ANAPC10: variants seen among roughly 807,000 people sequenced by gnomAD.
ANAPC10 encodes anaphase-promoting complex subunit 10.
A neutral mutation model predicts 22.0 loss-of-function variants in ANAPC10; 12 were observed. The observed-to-expected ratio is 0.55, with a 90% CI of 0.35 to 0.88. The LOEUF (loss-of-function observed/expected upper bound fraction) is 0.88. Among genes scored for constraint, ANAPC10 ranks in the 40% least tolerant of loss-of-function variants. ANAPC10 has a pLI of 0.01. For missense variants in ANAPC10, 188 were observed against 220.9 expected (o/e 0.85, Z 0.94); for synonymous variants, 65 against 69.5 (o/e 0.94, Z 0.32).
chr4:145,073,330 G>C (rs1033804093), intron 3 of ANAPC10, among the ~76,000 whole-genome samples: 3 of 152,188 alleles, frequency 2.0e-5, no homozygotes, highest in Non-Finnish European at 4.4e-5. Context: ...TGAAACTGTA[G>C]TGCTACCAGG....
chr4:145,029,523 G>C (rs950628219), intron 4 of ANAPC10, among the ~76,000 whole-genome samples: 1 of 152,154 alleles, frequency 6.6e-6, no homozygotes, highest in African/African-American at 2.4e-5. Flanking sequence ...CATGGGAATG[G>C]ATATTAAAGG....
At chr4:145,034,523 T>TTATATATATATATATA (rs370113295) in intron 4 of ANAPC10, among the ~76,000 whole-genome samples, 934 of 91,048 alleles carry the variant, frequency 0.01, 9 homozygotes, top group East Asian at 0.056. Context: ...AAACTCTCCT[T>TTATATATATATATATA]TATATATATA....
intron 4 of ANAPC10, among the ~76,000 whole-genome samples, chr4:145,004,308 G>T (rs149909888): frequency 6.6e-6 from 1 of 152,058 alleles, no homozygotes; most frequent in Non-Finnish European, 1.5e-5. Context: ...TTTGAGTTCC[G>T]ATCTTCCTAT....
intron 4 of ANAPC10, among the ~76,000 whole-genome samples, chr4:145,047,126 G>C (rs975143345): frequency 4.6e-5 from 7 of 151,964 alleles, no homozygotes; most frequent in African/African-American, 7.2e-5. Context: ...ATAAACAGAG[G>C]CTCAGAAAAA....
At chr4:145,028,754 G>T (rs1023598575) in intron 4 of ANAPC10, among the ~76,000 whole-genome samples, 4 of 152,170 alleles carry the variant, frequency 2.6e-5, no homozygotes, top group Admixed American at 6.5e-5. Context: ...TGAGCGGCAA[G>T]GAGTTTAATG....
intron 4 of ANAPC10, among the ~76,000 whole-genome samples, chr4:145,057,404 A>G (rs934265756): frequency 2.0e-5 from 3 of 152,168 alleles, no homozygotes; most frequent in Non-Finnish European, 4.4e-5. Flanking sequence ...TGAGAATATG[A>G]CAACATATTC....
intron 4 of ANAPC10, among the ~76,000 whole-genome samples, chr4:145,020,053 G>C (rs1735754445): frequency 6.6e-6 from 1 of 152,088 alleles, no homozygotes; most frequent in East Asian, 1.9e-4. Context: ...CCACAAGACA[G>C]AGAAAGAGGG....
At chr4:145,025,142 G>A (rs1198353539) in intron 4 of ANAPC10, among the ~76,000 whole-genome samples, 2 of 152,160 alleles carry the variant, frequency 1.3e-5, no homozygotes, top group African/African-American at 4.8e-5. Flanking sequence ...CTGTGGATTA[G>A]GCTTTGACTT....
intron 4 of ANAPC10, among the ~76,000 whole-genome samples, chr4:145,001,891 T>C (rs1012942644): frequency 5.9e-5 from 9 of 152,238 alleles, no homozygotes; most frequent in Non-Finnish European, 8.8e-5. Flanking sequence ...ATTTACAGTA[T>C]TAACTGCAGC....
chr4:145,030,260 A>G (rs942943454), intron 4 of ANAPC10, among the ~76,000 whole-genome samples: 1 of 152,218 alleles, frequency 6.6e-6, no homozygotes, highest in Non-Finnish European at 1.5e-5. Flanking sequence ...CAGCCTCTCA[A>G]TTTCCAGACT....
intron 4 of ANAPC10, among the ~76,000 whole-genome samples, chr4:145,037,195 G>A (rs1012785950): frequency 2.2e-4 from 33 of 152,014 alleles, no homozygotes; most frequent in Non-Finnish European, 4.6e-4. Context: ...GTAACATCAC[G>A]ATTTGCTGCT....
intron 4 of ANAPC10, among the ~76,000 whole-genome samples, chr4:145,039,253 C>T (rs1201168482): frequency 3.9e-5 from 6 of 152,278 alleles, no homozygotes; most frequent in Non-Finnish European, 5.9e-5. Context: ...AACTAGAATT[C>T]CACAGCTAAG....
At chr4:145,028,730 T>C (rs922810975) in intron 4 of ANAPC10, among the ~76,000 whole-genome samples, 2 of 152,186 alleles carry the variant, frequency 1.3e-5, no homozygotes, top group African/African-American at 4.8e-5. Flanking sequence ...GTTTGACACT[T>C]GATTCACCAC....
intron 4 of ANAPC10, among the ~76,000 whole-genome samples, chr4:145,057,858 AC>A (rs1341048139): frequency 1.3e-5 from 2 of 152,142 alleles, no homozygotes; most frequent in African/African-American, 2.4e-5. Context: ...TTCTGAATAT[AC>A]CCCAGGTAGC....
chr4:145,047,609 C>G (rs1370477360), intron 4 of ANAPC10, among the ~76,000 whole-genome samples: 1 of 152,126 alleles, frequency 6.6e-6, no homozygotes, highest in African/African-American at 2.4e-5. Flanking sequence ...AGGAACACTT[C>G]TCAATGCCTT....
At chr4:145,096,136 C>T (rs1400956599) in intron 1 of ANAPC10, 25 bp from the exon 2 acceptor site, 3 of 1,603,834 alleles carry the variant, frequency 1.9e-6, no homozygotes, top group South Asian at 2.3e-5. Context: ...AGAATGCACA[C>T]ATTGTATCAG....
rs1186853327 is a variant in ANAPC10, at chr4:145,026,987, A to ATTT, written c.328-31387_328-31385dup. The stretch of plus-strand genomic sequence containing the variant: ...TATATATATATATATATATATATAT[A>ATTT]TTTTTTTTTTTTTTTTTTTTTTTTT... On this transcript the variant is annotated intron_variant, in intron 4 of 4. Transcript: ENST00000507656. Among the ~76,000 whole-genome samples the ATTT allele has an allele frequency of 2.6e-4, 4 of 15,370 alleles. 1 individual carries two copies. The highest frequency in any genetic ancestry group is 6.7e-3 in the East Asian group (2 of 300). 10.1% of individuals were successfully genotyped at this position (15,370 alleles called of 152,430 possible).
At chr4:145,012,068 G>A (rs551092911) in intron 4 of ANAPC10, among the ~76,000 whole-genome samples, 1 of 151,766 alleles carries the variant, frequency 6.6e-6, no homozygotes, top group Non-Finnish European at 1.5e-5. Context: ...TCTGCTTAGC[G>A]GGAGAAAAAG....
At chr4:145,050,206 C>T (rs1280617082) in intron 4 of ANAPC10, among the ~76,000 whole-genome samples, 1 of 152,150 alleles carries the variant, frequency 6.6e-6, no homozygotes, top group Non-Finnish European at 1.5e-5. Context: ...TGTGTTACCT[C>T]CTTGTACATC....
Sources: gnomAD v4.1 joint callset for allele counts (sites outside exome capture counted in the v4.1 genomes callset) on GRCh38, gnomAD v4.1.1 for gene constraint, MANE v1.5 for transcripts, NCBI Gene and HGNC (gene_info 2026-07-23, HGNC 2026-07-21) for gene names.